Variants in DIAPH3 observed in about 807,000 individuals in gnomAD.
The protein encoded by DIAPH3 is protein diaphanous homolog 3.
A neutral mutation model predicts 144.3 loss-of-function variants in DIAPH3; 117 were observed. The observed-to-expected ratio is 0.81, with a 90% confidence interval of 0.70 to 0.95. The LOEUF (loss-of-function observed/expected upper bound fraction) is 0.95. DIAPH3 is among the 40% of genes least tolerant of loss of function. DIAPH3 has a pLI of 0.00. For missense variants in DIAPH3, 1,421 were observed against 1,412.7 expected, an observed-to-expected ratio of 1.01 and a Z score of -0.09; for synonymous variants, 519 against 488.9, an observed-to-expected ratio of 1.06 and a Z score of -0.81.
chr13:59,958,867 CTTTTTT>C (rs932649097), intron 17 of DIAPH3, among the ~76,000 whole-genome samples: 2 of 94,344 alleles, frequency 2.1e-5, no homozygotes, highest in Non-Finnish European at 4.0e-5. Context: ...CTTCAATAAA[CTTTTTT>C]TTTTTTTTTT....
intron 3 of DIAPH3, among the ~76,000 whole-genome samples, chr13:60,107,755 G>A (rs748007049): frequency 2.0e-5 from 3 of 152,036 alleles, no homozygotes; most frequent in Admixed American, 1.3e-4. Context: ...TAAGTACTTC[G>A]TGCAATTTTA....
chr13:59,741,703 C>CA (rs756556231), intron 27 of DIAPH3, among the ~76,000 whole-genome samples: 1,282 of 93,674 alleles, frequency 0.014, 14 homozygotes, highest in African/African-American at 0.031. Context: ...GGCAACAAAG[C>CA]AAAAAAAAAA....
intron 25 of DIAPH3, among the ~76,000 whole-genome samples, chr13:59,796,448 G>A (rs758026543): frequency 2.0e-5 from 3 of 152,022 alleles, no homozygotes; most frequent in Non-Finnish European, 2.9e-5. Context: ...AAAATGAGAA[G>A]TTGTCAGTCT....
chr13:59,666,760 G>A lies in DIAPH3; in HGVS notation c.3406C>T (p.Leu1136Phe), dbSNP rs768944399. 7 of 1,613,906 alleles carry A rather than the reference G, an allele frequency of 4.3e-6. No homozygotes were observed. In the African/African-American group the frequency reaches 9.3e-5, roughly 22 times the overall value. ...NSTRTPVAKELNYNLDTHTST... is the reference protein window; with the variant it reads ...NSTRTPVAKEFNYNLDTHTST... The stretch of plus-strand genomic sequence containing the variant: ...GTATGAGTGTCTAGATTATAATTAA[G>A]CTCCTTGGCGACTGGAGTCCTTGTT... The change falls in exon 28 of 28, where the codon CTT (leucine) becomes TTT (phenylalanine). Residue 1136 changes from leucine (L) to phenylalanine (F), a missense_variant. Transcript: ENST00000400324.
chr13:59,831,229 C>T (rs961529150), intron 24 of DIAPH3, among the ~76,000 whole-genome samples: 5 of 151,820 alleles, frequency 3.3e-5, no homozygotes, highest in African/African-American at 1.2e-4. Context: ...CCATTTTATA[C>T]TTGATGCATA....
At chr13:59,936,315 A>C (rs910934781) in intron 17 of DIAPH3, among the ~76,000 whole-genome samples, 2 of 152,212 alleles carry the variant, frequency 1.3e-5, no homozygotes, top group Non-Finnish European at 2.9e-5. Flanking sequence ...AGGACCTTCT[A>C]AATTATAATA....
At chr13:59,958,906 G>A (rs974330912) in intron 17 of DIAPH3, among the ~76,000 whole-genome samples, 3 of 120,558 alleles carry the variant, frequency 2.5e-5, no homozygotes, top group South Asian at 2.5e-4. Context: ...ATAGAGTCTC[G>A]CTCCTGTTGC....
intron 27 of DIAPH3, among the ~76,000 whole-genome samples, chr13:59,739,710 T>C (rs2036348837): frequency 6.6e-6 from 1 of 152,138 alleles, no homozygotes; most frequent in African/African-American, 2.4e-5. Context: ...CCAAATCTGC[T>C]TATCCCAATG....
chr13:59,826,187 T>C (rs528938236), intron 24 of DIAPH3, among the ~76,000 whole-genome samples: 29 of 150,024 alleles, frequency 1.9e-4, no homozygotes, highest in East Asian at 7.9e-4. Context: ...CCAGGGCAAT[T>C]AGGCAGGAGA....
At chr13:60,086,426 C>T (rs1184102190) in intron 4 of DIAPH3, among the ~76,000 whole-genome samples, 1 of 152,084 alleles carries the variant, frequency 6.6e-6, no homozygotes, top group Admixed American at 6.6e-5. Flanking sequence ...GTTCATTGTG[C>T]TGAGGCTCTG....
intron 27 of DIAPH3, among the ~76,000 whole-genome samples, chr13:59,761,830 G>A (rs1054015073): frequency 2.0e-5 from 3 of 152,068 alleles, no homozygotes; most frequent in Non-Finnish European, 4.4e-5. Context: ...TACAACCAGT[G>A]TATTTTAGGA....
At chr13:59,927,979 G>A (rs1184546601) in intron 17 of DIAPH3, among the ~76,000 whole-genome samples, 1 of 152,090 alleles carries the variant, frequency 6.6e-6, no homozygotes, top group Non-Finnish European at 1.5e-5. Context: ...GGTTGTCTAT[G>A]CCTTTTCCCA....
chr13:59,745,672 T>G (rs1182768170), intron 27 of DIAPH3, among the ~76,000 whole-genome samples: 1 of 152,098 alleles, frequency 6.6e-6, no homozygotes, highest in African/African-American at 2.4e-5. Context: ...AACAATGTAT[T>G]ATACTAGCTA....
chr13:59,813,566 A>G (rs1214605478), intron 24 of DIAPH3, among the ~76,000 whole-genome samples: 1 of 152,096 alleles, frequency 6.6e-6, no homozygotes, highest in African/African-American at 2.4e-5. Flanking sequence ...ATAAAAATCA[A>G]CATAAGAGGC....
chr13:59,763,447 C>T (rs534725188), intron 27 of DIAPH3, among the ~76,000 whole-genome samples: 1 of 151,920 alleles, frequency 6.6e-6, no homozygotes, highest in Non-Finnish European at 1.5e-5. Flanking sequence ...GAGGCTCAGG[C>T]GGGAGAATCA....
At chr13:59,980,736 A>C in intron 14 of DIAPH3, 59 bp downstream of exon 14, 1 of 1,450,726 alleles carries the variant, frequency 6.9e-7, no homozygotes, top group Non-Finnish European at 9.7e-7. Flanking sequence ...TCCCTGAGGC[A>C]GAAGCATGCC....
chr13:60,147,502 C>G lies in DIAPH3; in HGVS notation c.181-14513G>C, dbSNP rs1303991027. On this transcript the variant is annotated intron_variant, in intron 1 of 27. Coordinates refer to ENST00000400324, the MANE Select transcript of DIAPH3 (RefSeq NM_001042517.2). ...CAGTACAGTGAGATTAGTGCTATAA[C>G]TGACACTGATCTAAGCATTCCAGAA... Among the ~76,000 whole-genome samples the G allele has an allele frequency of 2.6e-5, 4 of 152,184 alleles. No individual in the cohort carries two copies. In the East Asian group the frequency reaches 7.7e-4, roughly 29 times the overall value.
chr13:60,060,443 T>C (rs9570253), intron 4 of DIAPH3, among the ~76,000 whole-genome samples: 9,309 of 152,162 alleles, frequency 0.061, 437 homozygotes, highest in East Asian at 0.28. Flanking sequence ...AAATATTCTC[T>C]TTTATGATTA....
chr13:60,090,064 C>T (rs1201465583), intron 4 of DIAPH3, among the ~76,000 whole-genome samples: 1 of 152,146 alleles, frequency 6.6e-6, no homozygotes, highest in Non-Finnish European at 1.5e-5. Context: ...CGTACAACCT[C>T]TCACAATCAC....
Sources: gnomAD v4.1 joint callset for allele counts (sites outside exome capture counted in the v4.1 genomes callset) on GRCh38, gnomAD v4.1.1 for gene constraint, MANE v1.5 for transcripts, NCBI Gene and HGNC (gene_info 2026-07-23, HGNC 2026-07-21) for gene names.